Variants in SGCD observed in about 807,000 individuals in gnomAD.
The protein encoded by SGCD is delta-sarcoglycan.
In SGCD, 18 loss-of-function variants were observed where a neutral mutation model predicts 36.6. The observed-to-expected ratio is 0.49, with a 90% CI of 0.34 to 0.73. The LOEUF (loss-of-function observed/expected upper bound fraction) is 0.73, where lower values mean the gene tolerates loss of function less well. Among genes scored for constraint, SGCD ranks in the 30% least tolerant of loss-of-function variants. The probability of loss-of-function intolerance (pLI) is 0.01; values close to 1 mark genes in which losing one functional copy is unlikely to be tolerated. For missense variants in SGCD, 387 were observed against 346.7 expected (o/e 1.12, Z -0.92); for synonymous variants, 133 against 130.6 (o/e 1.02, Z -0.12).
chr5:156,115,977 A>G (rs746574023), intron 1 of SGCD, among the ~76,000 whole-genome samples: 3 of 152,084 alleles, frequency 2.0e-5, no homozygotes, highest in Admixed American at 6.6e-5. Flanking sequence ...ATGTCTTCTT[A>G]CTCTTGAAAT....
the SGCD span, among the ~76,000 whole-genome samples, chr5:155,834,683 TTTC>T: frequency 1.3e-5 from 2 of 152,190 alleles, no homozygotes; most frequent in Admixed American, 6.5e-5. Flanking sequence ...AGTTTAATGT[TTTC>T]TTCTTCGTGA....
At chr5:156,254,388 G>A (rs1334670072) in intron 3 of SGCD, among the ~76,000 whole-genome samples, 1 of 152,146 alleles carries the variant, frequency 6.6e-6, no homozygotes, top group East Asian at 1.9e-4. Context: ...CCTGGGAACT[G>A]AACAATGCTC....
At chr5:156,307,560 T>TGG (rs1561611719) in intron 3 of SGCD, among the ~76,000 whole-genome samples, 1 of 145,034 alleles carries the variant, frequency 6.9e-6, no homozygotes, top group African/African-American at 2.6e-5. Flanking sequence ...CTGTTGTTTT[T>TGG]TTTTTTTTTT....
At position 156,763,681 on chromosome 5, in the gene SGCD, C is replaced by G. The variant is rs922230378; in HGVS notation, c.*4291C>G. ...AGACATTTATCCCTTTGGTCAAGAT[C>G]CCTTTTGCTCATCCAGGGTTTCATA... On this transcript the variant is annotated 3_prime_UTR_variant, in exon 9 of 9. Transcript: ENST00000337851. 6.6e-6 allele frequency: 1 copy of G among 151,816 alleles called. No homozygotes were observed. Among genetic ancestry groups the G allele is most frequent in the African/African-American group, 2.4e-5 (1 of 41,294 alleles). The allele number at this position is 151,816 out of a possible 1,614,324, so 9.4% of individuals were successfully genotyped here. A position where few individuals can be genotyped will look rare whatever the true frequency, so the allele number is the denominator to read the frequency against.
At chr5:156,200,484 T>G (rs1033609330) in intron 3 of SGCD, among the ~76,000 whole-genome samples, 1 of 152,134 alleles carries the variant, frequency 6.6e-6, no homozygotes, top group Non-Finnish European at 1.5e-5. Context: ...GAAGTCACCA[T>G]TACCTTATAG....
At chr5:155,858,838 T>C in the SGCD span, among the ~76,000 whole-genome samples, 3 of 152,136 alleles carry the variant, frequency 2.0e-5, no homozygotes, top group Non-Finnish European at 2.9e-5. Flanking sequence ...TGAATCAGGT[T>C]CCCTAGGTGA....
chr5:155,903,768 A>T (rs244966), intron 1 of SGCD, among the ~76,000 whole-genome samples: 70,582 of 152,094 alleles, frequency 0.46, 19,227 homozygotes, highest in Non-Finnish European at 0.62. Flanking sequence ...AGAGAAAGGT[A>T]AATCCTGGGC....
At chr5:155,866,297 A>G (rs1755523468), upstream of SGCD, among the ~76,000 whole-genome samples, 1 of 152,150 alleles carries the variant, frequency 6.6e-6, no homozygotes, top group African/African-American at 2.4e-5. Flanking sequence ...GATCCCTAGT[A>G]TAGTTGGGTG....
At chr5:156,295,715 G>A (rs546302946) in intron 3 of SGCD, among the ~76,000 whole-genome samples, 1 of 152,296 alleles carries the variant, frequency 6.6e-6, no homozygotes, top group African/African-American at 2.4e-5. Context: ...GTTTGACCAT[G>A]ACCTGCTGTT....
chr5:156,091,701 G>A (rs112865476), intron 1 of SGCD, among the ~76,000 whole-genome samples: 9 of 152,222 alleles, frequency 5.9e-5, no homozygotes, highest in Non-Finnish European at 1.3e-4. Context: ...ATAGTGGTTT[G>A]TAAGTTAATG....
intron 1 of SGCD, among the ~76,000 whole-genome samples, chr5:156,001,127 T>C (rs1758656321): frequency 6.6e-6 from 1 of 152,206 alleles, no homozygotes; most frequent in Non-Finnish European, 1.5e-5. Flanking sequence ...CTTTACACCA[T>C]TCCCATCTCA....
chr5:156,647,627 G>T, intron 7 of SGCD, 91 bp downstream of exon 7: 2 of 811,738 alleles, frequency 2.5e-6, no homozygotes, highest in Admixed American at 2.4e-5. Context: ...AATAATAAGT[G>T]TCACAGCGTG....
chr5:156,309,437 G>A (rs748939552), intron 3 of SGCD, among the ~76,000 whole-genome samples: 9 of 151,208 alleles, frequency 6.0e-5, no homozygotes, highest in African/African-American at 1.5e-4. Flanking sequence ...TTAAATCTGC[G>A]TTTTAAATTC....
At chr5:156,423,088 C>A (rs973221782) in intron 3 of SGCD, among the ~76,000 whole-genome samples, 1 of 131,718 alleles carries the variant, frequency 7.6e-6, no homozygotes, top group Non-Finnish European at 1.6e-5. Context: ...CTCCATTTCA[C>A]GAGGGTCATT....
intron 3 of SGCD, among the ~76,000 whole-genome samples, chr5:156,230,975 A>T (rs1765000371): frequency 6.6e-6 from 1 of 152,142 alleles, no homozygotes; most frequent in African/African-American, 2.4e-5. Context: ...CATCTTCTCA[A>T]CGTTAAGGAT....
At chr5:156,626,053 G>C (rs918700441) in intron 6 of SGCD, among the ~76,000 whole-genome samples, 7 of 151,216 alleles carry the variant, frequency 4.6e-5, no homozygotes, top group African/African-American at 1.7e-4. Context: ...GAGGTGGGGG[G>C]TTGCTACTGA....
intron 3 of SGCD, among the ~76,000 whole-genome samples, chr5:156,419,520 G>C (rs1773203873): frequency 6.6e-6 from 1 of 152,132 alleles, no homozygotes; most frequent in Non-Finnish European, 1.5e-5. Context: ...CAGGGATACA[G>C]CACTGCCACT....
In SGCD at chr5:156,049,389, G is replaced by A. The variant is rs1196547475; in HGVS notation, c.-281-68489G>A. On this transcript the variant is annotated intron_variant, in intron 1 of 9. Transcript: ENST00000517913. ...AGTCATTGGTAGCTTGATGGGGATG[G>A]CATTGAATCTATAAATTCCCTTGGG... Among the ~76,000 whole-genome samples, 2 of 145,796 alleles carry A rather than the reference G, an allele frequency of 1.4e-5. 1 individual carries two copies. Among genetic ancestry groups the A allele is most frequent in the Non-Finnish European group, 3.1e-5 (2 of 64,734 alleles).
chr5:156,314,325 G>T (rs1003231725), intron 3 of SGCD, among the ~76,000 whole-genome samples: 1 of 151,968 alleles, frequency 6.6e-6, no homozygotes, highest in South Asian at 2.1e-4. Flanking sequence ...GATGTAAGCT[G>T]CATTGGTTGG....
Sources: gnomAD v4.1 joint callset for allele counts (sites outside exome capture counted in the v4.1 genomes callset) on GRCh38, gnomAD v4.1.1 for gene constraint, MANE v1.5 for transcripts, NCBI Gene and HGNC (gene_info 2026-07-23, HGNC 2026-07-21) for gene names.